The following MAP2K5 variants were observed in gnomAD, a reference collection of about 807,000 sequenced individuals.
MAP2K5 encodes mitogen-activated protein kinase kinase 5, also known as dual specificity mitogen-activated protein kinase kinase 5.
Under a neutral mutation model 83.1 loss-of-function variants are expected in MAP2K5, and 49 were observed. That is an observed-to-expected ratio of 0.59 (90% CI 0.47 to 0.75). The LOEUF is 0.75. MAP2K5 is among the 30% of genes least tolerant of loss of function. MAP2K5 has a pLI of 0.00. For synonymous variants in MAP2K5, 202 were observed against 191.8 expected (o/e 1.05, Z -0.44); for missense variants, 457 against 557.5 (o/e 0.82, Z 1.82).
At chr15:67,663,382 T>G (rs2087286563) in intron 12 of MAP2K5, among the ~76,000 whole-genome samples, 2 of 152,216 alleles carry the variant, frequency 1.3e-5, no homozygotes, top group Admixed American at 1.3e-4. Context: ...TTCCTTACTT[T>G]GATATTTTGG....
chr15:67,682,125 C>A (rs1024500408), intron 13 of MAP2K5, among the ~76,000 whole-genome samples: 5 of 152,016 alleles, frequency 3.3e-5, no homozygotes, highest in Non-Finnish European at 5.9e-5. Context: ...TAAAAGTAAT[C>A]TTTCTGCCTA....
At position 67,772,733 on chromosome 15, in the gene MAP2K5, C is replaced by T; in HGVS notation, c.1223C>T (p.Pro408Leu). ...ATGCGAAAACAGCCAAAAGAAAGGC[C>T]AGCACCTGAAGAATTGATGGTAAGT... ...QCMRKQPKER[P>L]APEELMGHPF... Residue 408 changes from proline to leucine, a missense_variant, in exon 21 of 22, where the codon CCA becomes CTA. Physicochemically the swap from Pro to Leu is moderately conservative, Grantham distance 98 (BLOSUM62 -3). Around this residue, in one of 3 missense-constraint regions of MAP2K5, gnomAD observed 168 missense variants for 263.0 expected, o/e 0.64. Transcript: ENST00000178640. The T allele has an allele frequency of 1.2e-6, 2 of 1,603,138 alleles. No individual in the cohort carries two copies. The highest frequency in any genetic ancestry group is 1.7e-6 in the Non-Finnish European group (2 of 1,174,824).
intron 12 of MAP2K5, among the ~76,000 whole-genome samples, chr15:67,660,284 G>T (rs7171706): frequency 1 from 151,398 of 151,956 alleles, 75,423 homozygotes; most frequent in East Asian, 1. Flanking sequence ...AAAATGTAGT[G>T]TTTTTTTTGT....
chr15:67,725,409 C>T (rs2089066627), intron 16 of MAP2K5, among the ~76,000 whole-genome samples: 1 of 152,210 alleles, frequency 6.6e-6, no homozygotes, highest in Non-Finnish European at 1.5e-5. Context: ...TTAAGCCGTC[C>T]ATTTACCATT....
rs551090295 is a variant in MAP2K5 at position 67,572,081 on chromosome 15, T to C, written c.253-8673T>C. Among the ~76,000 whole-genome samples, 1 of 152,296 alleles carries C rather than the reference T, an allele frequency of 6.6e-6. No individual in the cohort carries two copies. Among genetic ancestry groups the C allele is most frequent in the Admixed American group, 6.5e-5 (1 of 15,298 alleles). The stretch of plus-strand genomic sequence containing the variant: ...CCATGAGCACAAGAAGTGTCTAATC[T>C]AGCTTTGGGGACCAAAAAGGCTTCC... On this transcript the variant is annotated intron_variant, in intron 3 of 21. Transcript: ENST00000178640. This position sits in a 1 kb window ranked among gnomAD's most constrained non-coding sequence, Gnocchi z 4.2.
At chr15:67,584,611 A>G (rs988691014) in intron 4 of MAP2K5, among the ~76,000 whole-genome samples, 2 of 149,642 alleles carry the variant, frequency 1.3e-5, no homozygotes, top group Non-Finnish European at 3.0e-5. Context: ...ATTTGAGTAT[A>G]TTTGGAATAT....
intron 9 of MAP2K5, chr15:67,641,494 G>T (rs1823473821): frequency 1.8e-5 from 18 of 1,000,438 alleles, no homozygotes; most frequent in Non-Finnish European, 2.2e-5. Flanking sequence ...ATGACAGCTT[G>T]TGATGAATTG....
intron 21 of MAP2K5, among the ~76,000 whole-genome samples, chr15:67,792,900 A>G (rs2090543602): frequency 6.6e-6 from 1 of 152,216 alleles, no homozygotes; most frequent in Admixed American, 6.5e-5. Context: ...CTTCATGGCA[A>G]ACTTTACAGA....
In MAP2K5 at chr15:67,793,914, T is replaced by G. The variant is rs2090560407; in HGVS notation, c.1243-12732T>G. ...AAGTCCTTAGGTTCTAAAACCAGAC[T>G]TAGATCTAGGCACATAGAAACCGCT... is the stretch of plus-strand genomic sequence containing the variant. On this transcript the variant is annotated intron_variant, in intron 21 of 21. Transcript: ENST00000178640. The surrounding 1 kb of genome is among the most constrained non-coding windows in gnomAD (Gnocchi z 4.6). Among the ~76,000 whole-genome samples, 1 of 152,212 alleles carries G rather than the reference T, an allele frequency of 6.6e-6. No homozygotes were observed. The highest frequency in any genetic ancestry group is 1.5e-5 in the Non-Finnish European group (1 of 68,034).
At chr15:67,653,604 T>A (rs181643349) in intron 11 of MAP2K5, among the ~76,000 whole-genome samples, 1,624 of 152,236 alleles carry the variant, frequency 0.011, 7 homozygotes, top group Middle Eastern at 0.024. Context: ...CTAAAAAAAA[T>A]TTTTTCATTT....
At position 67,561,230 on chromosome 15, in the gene MAP2K5, G is replaced by T. The variant is rs2084730068; in HGVS notation, c.185-2053G>T. 1.3e-5 allele frequency among the ~76,000 whole-genome samples: 2 copies of T among 152,284 alleles called. No individual in the cohort carries two copies. The highest frequency in any genetic ancestry group is 4.1e-4 in the South Asian group (2 of 4,828). On this transcript the variant is annotated intron_variant, in intron 2 of 21. Coordinates refer to ENST00000178640, the MANE Select transcript of MAP2K5 (RefSeq NM_145160.3). The surrounding 1 kb of genome is among the most constrained non-coding windows in gnomAD (Gnocchi z 4.2). ...AAAATGTAAAGTGCTTTCATGTGTGGTGATATGTAACATTACATCATTTGT... is the reference window on the plus strand; with the variant it reads ...AAAATGTAAAGTGCTTTCATGTGTGTTGATATGTAACATTACATCATTTGT...
rs1342678367 is a variant in MAP2K5 at position 67,775,999 on chromosome 15, CT to C, written c.1242+3253del. ...GAACACCACACTTATCCACATGGAT[CT>C]TTTTTCTTGAGTGAATTCTCTTGAA... On this transcript the variant is annotated intron_variant, in intron 21 of 21. Transcript: ENST00000178640. This position sits in a 1 kb window ranked among gnomAD's most constrained non-coding sequence, Gnocchi z 5.3. Among the ~76,000 whole-genome samples, 3 of 152,168 alleles carry C rather than the reference CT, an allele frequency of 2.0e-5. No homozygotes were observed. The highest frequency in any genetic ancestry group is 7.2e-5 in the African/African-American group (3 of 41,436).
chr15:67,632,660 C>CT (rs372037776), intron 9 of MAP2K5, among the ~76,000 whole-genome samples: 1 of 152,160 alleles, frequency 6.6e-6, no homozygotes, highest in Non-Finnish European at 1.5e-5. Flanking sequence ...TCCAATATGC[C>CT]TTTTTAGCTA....
chr15:67,627,871 T>TAG, intron 8 of MAP2K5: 1 of 627,100 alleles, frequency 1.6e-6, no homozygotes, highest in South Asian at 1.7e-5. Context: ...CAGAGTCTCC[T>TAG]AAAGAGCCTG....
chr15:67,571,461 A>G (rs551028436), intron 3 of MAP2K5, among the ~76,000 whole-genome samples: 19 of 152,308 alleles, frequency 1.2e-4, no homozygotes, highest in African/African-American at 4.1e-4. Flanking sequence ...AACCAGTTAA[A>G]TTCTACCACT....
chr15:67,589,376 T>G (rs1271741686), intron 6 of MAP2K5, among the ~76,000 whole-genome samples: 1 of 152,214 alleles, frequency 6.6e-6, no homozygotes, highest in African/African-American at 2.4e-5. Context: ...CTTAGGTGAA[T>G]AACTGTTTAT....
chr15:67,730,440 C>T (rs1386643935), intron 17 of MAP2K5, among the ~76,000 whole-genome samples: 2 of 152,142 alleles, frequency 1.3e-5, no homozygotes, highest in African/African-American at 4.8e-5. Context: ...ATCCCAAGTG[C>T]AGTAGGCAGG....
rs562292032 is a variant in MAP2K5, at chr15:67,769,860, G to A, written c.1196+197G>A. On this transcript the variant is annotated intron_variant, in intron 20 of 21. Transcript: ENST00000178640. The surrounding 1 kb of genome is among the most constrained non-coding windows in gnomAD (Gnocchi z 5.2). ...ACGTTATTTACACAAAGGGTCATAA[G>A]CATACTTCAGAGCCTTTTTCCTGAT... is the stretch of plus-strand genomic sequence containing the variant. The A allele has an allele frequency of 3.8e-6, 2 of 521,304 alleles. No individual in the cohort carries two copies. Among genetic ancestry groups the A allele is most frequent in the Admixed American group, 3.5e-5 (1 of 28,632 alleles). The allele number at this position is 521,304 out of a possible 1,614,324, so 32.3% of individuals were successfully genotyped here. A position where few individuals can be genotyped will look rare whatever the true frequency, so the allele number is the denominator to read the frequency against.
At chr15:67,725,213 G>A (rs545885636) in intron 16 of MAP2K5, among the ~76,000 whole-genome samples, 26 of 149,882 alleles carry the variant, frequency 1.7e-4, no homozygotes, top group Non-Finnish European at 3.4e-4. Flanking sequence ...GTCTTACAGA[G>A]CAAACAAATA....
Sources: allele counts gnomAD v4.1 joint callset (sites outside exome capture counted in the v4.1 genomes callset), GRCh38; gene constraint gnomAD v4.1.1; regional missense constraint gnomAD v4.1.1; non-coding constraint Gnocchi (gnomAD v3.1); transcripts MANE v1.5; gene names NCBI Gene and HGNC (gene_info 2026-07-23, HGNC 2026-07-21).